GPD1L: variants seen among roughly 807,000 people sequenced by gnomAD.
GPD1L encodes glycerol-3-phosphate dehydrogenase 1 like.
Under a neutral mutation model 32.9 loss-of-function variants are expected in GPD1L, and 17 were observed. That is an observed-to-expected ratio of 0.52 (90% confidence interval 0.35 to 0.78). GPD1L has a LOEUF of 0.78. Ranked by LOEUF, GPD1L falls within the 30% of genes least tolerant of loss-of-function variation. GPD1L has a pLI of 0.01. For missense variants in GPD1L, 361 were observed against 447.8 expected (o/e 0.81, Z 1.75); for synonymous variants, 187 against 165.9 (o/e 1.13, Z -0.98).
intron 2 of GPD1L, among the ~76,000 whole-genome samples, chr3:32,137,852 G>C (rs114814303): frequency 0.023 from 3,552 of 152,290 alleles, 130 homozygotes; most frequent in African/African-American, 0.08. Context: ...ACTCTCAAAG[G>C]AGAGTTTAGT....
At chr3:32,154,991 C>T (rs940147474) in intron 5 of GPD1L, among the ~76,000 whole-genome samples, 2 of 152,152 alleles carry the variant, frequency 1.3e-5, no homozygotes, top group Admixed American at 6.5e-5. Context: ...TCAAGCAATC[C>T]ACCCACCCCA....
intron 2 of GPD1L, among the ~76,000 whole-genome samples, chr3:32,135,044 A>C (rs1301240474): frequency 1.3e-5 from 2 of 152,246 alleles, no homozygotes; most frequent in Admixed American, 6.5e-5. Context: ...GAGGTCACAC[A>C]GCTGGTCAGT....
At chr3:32,128,372 C>A in intron 2 of GPD1L, 119 bp downstream of exon 2, 1 of 844,112 alleles carries the variant, frequency 1.2e-6, no homozygotes, top group Non-Finnish European at 2.0e-6. Flanking sequence ...TTTCCACTAC[C>A]AATTGGTTGG....
At chr3:32,129,484 C>G (rs892302099) in intron 2 of GPD1L, among the ~76,000 whole-genome samples, 17 of 152,212 alleles carry the variant, frequency 1.1e-4, no homozygotes, top group African/African-American at 3.6e-4. Context: ...GCTGATACTA[C>G]TGGTTTTCCT....
At chr3:32,140,514 C>A in intron 4 of GPD1L, 148 bp downstream of exon 4, 1 of 865,918 alleles carries the variant, frequency 1.2e-6, no homozygotes. Flanking sequence ...GAGGGTTTTA[C>A]TTAAGGAGGC....
intron 4 of GPD1L, among the ~76,000 whole-genome samples, chr3:32,140,849 C>A (rs1559577225): frequency 6.6e-6 from 1 of 152,190 alleles, no homozygotes; most frequent in Non-Finnish European, 1.5e-5. Flanking sequence ...AGATCACACA[C>A]TAATGTAGAA....
chr3:32,142,279 C>T (rs896345845), intron 4 of GPD1L, among the ~76,000 whole-genome samples: 6 of 152,076 alleles, frequency 3.9e-5, no homozygotes, highest in African/African-American at 1.4e-4. Flanking sequence ...CCACCACGCC[C>T]AGCTAATTTT....
intron 2 of GPD1L, among the ~76,000 whole-genome samples, chr3:32,132,264 T>C (rs1388798369): frequency 6.6e-6 from 1 of 152,200 alleles, no homozygotes; most frequent in Admixed American, 6.5e-5. Flanking sequence ...TGCATAGGTC[T>C]TTATTCACTA....
At chr3:32,131,105 T>G (rs1169134601) in intron 2 of GPD1L, among the ~76,000 whole-genome samples, 3 of 152,196 alleles carry the variant, frequency 2.0e-5, no homozygotes, top group Non-Finnish European at 4.4e-5. Flanking sequence ...TCTAGCTCTA[T>G]TTCCAGAGCC....
At chr3:32,109,433 C>T (rs1181309207) in intron 1 of GPD1L, among the ~76,000 whole-genome samples, 1 of 152,198 alleles carries the variant, frequency 6.6e-6, no homozygotes, top group Non-Finnish European at 1.5e-5. Flanking sequence ...TTCTGGTGTA[C>T]TTGACTGTTT....
chr3:32,129,072 C>A (rs1462013038), intron 2 of GPD1L, among the ~76,000 whole-genome samples: 1 of 152,166 alleles, frequency 6.6e-6, no homozygotes, highest in African/African-American at 2.4e-5. Context: ...AAAGGGTGTA[C>A]CCTGCTGCTT....
intron 2 of GPD1L, among the ~76,000 whole-genome samples, chr3:32,133,970 C>T (rs556937403): frequency 6.6e-6 from 1 of 152,302 alleles, no homozygotes; most frequent in East Asian, 1.9e-4. Flanking sequence ...GGGCATTAAG[C>T]AAACCAGCCC....
At chr3:32,138,268 A>G (rs1700693042) in intron 2 of GPD1L, among the ~76,000 whole-genome samples, 1 of 152,170 alleles carries the variant, frequency 6.6e-6, no homozygotes, top group Admixed American at 6.5e-5. Flanking sequence ...AAGAGCGGAA[A>G]ATGGATGAGG....
Position 32,121,545 on chromosome 3 carries a change from T to TTC in GPD1L, c.48-6529_48-6528dup, listed in dbSNP as rs1270155882. Among the ~76,000 whole-genome samples the TTC allele has an allele frequency of 4.5e-4, 28 of 62,866 alleles. 3 individuals carry two copies. Among genetic ancestry groups the TTC allele is most frequent in the African/African-American group, 3.4e-3 (27 of 7,864 alleles). 41.2% of individuals were successfully genotyped at this position (62,866 alleles called of 152,430 possible). A position where few individuals can be genotyped will look rare whatever the true frequency, so the allele number is the denominator to read the frequency against. ...TCTATATATATTTCTATGTATATAT[T>TTC]TCTATATATATATTTCTATGTATAT... is the stretch of plus-strand genomic sequence containing the variant. On this transcript the variant is annotated intron_variant, in intron 1 of 7. Coordinates refer to ENST00000282541, the MANE Select transcript of GPD1L (RefSeq NM_015141.4).
Position 32,159,618 on chromosome 3 carries a change from A to G in GPD1L, c.903A>G (p.Gly301=). 1.2e-6 allele frequency: 2 copies of G among 1,613,422 alleles called. No individual in the cohort carries two copies. Among genetic ancestry groups the G allele is most frequent in the African/African-American group, 2.7e-5 (2 of 75,054 alleles). ...KEMLNGQKLQ[G]PQTSAEVYRI... ...TGCTGAATGGGCAAAAGCTCCAAGG[A>G]CCGCAGACTTCTGCTGAAGTGTACC... The change falls in exon 7 of 8, where the codon GGA becomes GGG. Residue 301 remains glycine, a synonymous_variant. Transcript: ENST00000282541.
At chr3:32,122,457 C>G (rs768262424) in intron 1 of GPD1L, among the ~76,000 whole-genome samples, 1 of 152,048 alleles carries the variant, frequency 6.6e-6, no homozygotes, top group Non-Finnish European at 1.5e-5. Flanking sequence ...TATGAAGTAC[C>G]CATCTACTCA....
rs146178641 is a variant in GPD1L, at chr3:32,128,274, G to A, written c.225+21G>A. On this transcript the variant is annotated intron_variant, in intron 2 of 7. Coordinates refer to ENST00000282541, the MANE Select transcript of GPD1L (RefSeq NM_015141.4). ...ATGTGGTAAGACTTTGGGGTGAAAT[G>A]TACATTGGTTCATTCTGCAAGTTGT... is the stretch of plus-strand genomic sequence containing the variant. 57 of 1,600,246 alleles carry A rather than the reference G, an allele frequency of 3.6e-5. No individual in the cohort carries two copies. The African/African-American group carries it at 6.0e-4, about 17-fold the overall frequency.
At chr3:32,121,195 T>G (rs200844097) in intron 1 of GPD1L, among the ~76,000 whole-genome samples, 1 of 151,860 alleles carries the variant, frequency 6.6e-6, no homozygotes, top group East Asian at 1.9e-4. Flanking sequence ...TTAGTCTCCC[T>G]GATCCTTTCC....
intron 1 of GPD1L, among the ~76,000 whole-genome samples, chr3:32,112,644 AT>A (rs1359952105): frequency 2.6e-5 from 4 of 152,104 alleles, no homozygotes; most frequent in South Asian, 2.1e-4. Context: ...TCTCAAAAAA[AT>A]ATATATAATA....
Sources: allele counts gnomAD v4.1 joint callset (sites outside exome capture counted in the v4.1 genomes callset), GRCh38; gene constraint gnomAD v4.1.1; transcripts MANE v1.5; gene names NCBI Gene and HGNC (gene_info 2026-07-23, HGNC 2026-07-21).